Variants in GRID2 observed in about 807,000 individuals in gnomAD.
GRID2 encodes the protein glutamate receptor ionotropic, delta-2.
A neutral mutation model predicts 114.8 loss-of-function variants in GRID2; 33 were observed. That is an observed-to-expected ratio of 0.29 (90% CI 0.22 to 0.38). The LOEUF is 0.38. Ranked by LOEUF, GRID2 falls within the 10% of genes least tolerant of loss-of-function variation. GRID2 has a pLI of 1.00. For synonymous variants in GRID2, 505 were observed against 449.9 expected, an observed-to-expected ratio of 1.12 and a Z score of -1.55; for missense variants, 1,184 against 1,257.7, an observed-to-expected ratio of 0.94 and a Z score of 0.89.
At chr4:93,448,794 CCCTTCCCTTCCCTTCCCTTCCCTT>C (rs1722344021) in intron 10 of GRID2, among the ~76,000 whole-genome samples, 2 of 5,796 alleles carry the variant, frequency 3.5e-4, no homozygotes, top group African/African-American at 1.3e-3. Context: ...CCCTCCCCTT[CCCTTCCCTTCCCTTCCCTTCCCTT>C]CCCTTCCCTT....
intron 2 of GRID2, among the ~76,000 whole-genome samples, chr4:92,640,280 A>G (rs1014826019): frequency 1.4e-4 from 22 of 151,888 alleles, no homozygotes; most frequent in Non-Finnish European, 2.7e-4. Flanking sequence ...TTAATCTTAT[A>G]TAAAAAGCTC....
chr4:93,013,358 A>C (rs959820754), intron 2 of GRID2, among the ~76,000 whole-genome samples: 1 of 152,002 alleles, frequency 6.6e-6, no homozygotes, highest in African/African-American at 2.4e-5. Flanking sequence ...ATATGTTAAT[A>C]CTATGTAAAC....
At chr4:93,343,185 G>C (rs1006550925) in intron 8 of GRID2, among the ~76,000 whole-genome samples, 1 of 146,872 alleles carries the variant, frequency 6.8e-6, no homozygotes, top group Non-Finnish European at 1.5e-5. Flanking sequence ...TGTGTGTATT[G>C]GGTCATATTA....
At chr4:93,270,408 A>G (rs1751320824) in intron 8 of GRID2, among the ~76,000 whole-genome samples, 1 of 152,144 alleles carries the variant, frequency 6.6e-6, no homozygotes, top group Non-Finnish European at 1.5e-5. Flanking sequence ...GTAACTGCTT[A>G]TACTATTCTC....
At chr4:93,171,948 A>G (rs1486417891) in intron 4 of GRID2, among the ~76,000 whole-genome samples, 1 of 152,166 alleles carries the variant, frequency 6.6e-6, no homozygotes, top group African/African-American at 2.4e-5. Flanking sequence ...TCTAAAGCCA[A>G]CTTGTTAATT....
intron 1 of GRID2, among the ~76,000 whole-genome samples, chr4:92,320,972 T>G (rs1726283029): frequency 6.6e-6 from 1 of 152,144 alleles, no homozygotes. Flanking sequence ...AAATATAAAA[T>G]AAAAAGATAA....
intron 8 of GRID2, among the ~76,000 whole-genome samples, chr4:93,341,327 A>ATT (rs5860327): frequency 1.4e-5 from 2 of 146,894 alleles, no homozygotes; most frequent in Non-Finnish European, 3.0e-5. Flanking sequence ...TCCTTCTACT[A>ATT]TTTTTTTTTT....
intron 9 of GRID2, among the ~76,000 whole-genome samples, chr4:93,401,188 TG>T (rs1411941526): frequency 6.6e-6 from 1 of 150,668 alleles, no homozygotes; most frequent in Non-Finnish European, 1.5e-5. Flanking sequence ...GCAGTGCAGT[TG>T]TTCTCCATTA....
At chr4:92,916,521 C>A (rs1183536740) in intron 2 of GRID2, among the ~76,000 whole-genome samples, 2 of 152,048 alleles carry the variant, frequency 1.3e-5, no homozygotes, top group African/African-American at 2.4e-5. Context: ...AGCCCCCACC[C>A]CACAACAGGC....
chr4:93,614,969 C>T (rs183508421), intron 13 of GRID2, among the ~76,000 whole-genome samples: 1 of 152,268 alleles, frequency 6.6e-6, no homozygotes, highest in Admixed American at 6.5e-5. Context: ...TTGGGGCTTC[C>T]TTTTCTTTTA....
chr4:92,677,758 C>T (rs367671946), intron 2 of GRID2, among the ~76,000 whole-genome samples: 25 of 152,088 alleles, frequency 1.6e-4, no homozygotes, highest in African/African-American at 5.8e-4. Context: ...CACTTCTACC[C>T]TGTTCCAAAG....
intron 1 of GRID2, among the ~76,000 whole-genome samples, chr4:93,796,808 C>T (rs555638765): frequency 2.1e-4 from 32 of 152,264 alleles, no homozygotes; most frequent in Admixed American, 4.6e-4. Context: ...CCTTGGCCTC[C>T]CAGAGTGCTG....
chr4:93,262,918 T>C (rs901067582), intron 8 of GRID2, among the ~76,000 whole-genome samples: 24 of 152,092 alleles, frequency 1.6e-4, no homozygotes, highest in African/African-American at 5.3e-4. Context: ...TTTTCCGTTT[T>C]ACTCTTTCAC....
chr4:92,814,041 G>T (rs1427022875), intron 2 of GRID2, among the ~76,000 whole-genome samples: 3 of 152,146 alleles, frequency 2.0e-5, no homozygotes, highest in African/African-American at 7.2e-5. Flanking sequence ...GAAAAAAAAT[G>T]TCCTCTATCC....
intron 10 of GRID2, among the ~76,000 whole-genome samples, chr4:93,440,943 A>T (rs1186981856): frequency 6.6e-6 from 1 of 152,114 alleles, no homozygotes; most frequent in Non-Finnish European, 1.5e-5. Context: ...GAGAGTGAAC[A>T]TTTGCCAAAG....
At chr4:93,084,368 T>A in intron 2 of GRID2, among the ~76,000 whole-genome samples, 1 of 152,190 alleles carries the variant, frequency 6.6e-6, no homozygotes, top group Non-Finnish European at 1.5e-5. Context: ...ATGTAGTATT[T>A]GAAATTATTT....
chr4:93,654,805 T>G (rs1396867333), intron 14 of GRID2, among the ~76,000 whole-genome samples: 2 of 152,122 alleles, frequency 1.3e-5, no homozygotes, highest in Non-Finnish European at 2.9e-5. Context: ...AGTGAGTAAG[T>G]GAGTATCACA....
At chr4:92,571,734 C>G in intron 1 of GRID2, among the ~76,000 whole-genome samples, 1 of 152,004 alleles carries the variant, frequency 6.6e-6, no homozygotes. Flanking sequence ...GAAACTCACT[C>G]AAAACCACTC....
chr4:92,438,186 C>G (rs1732830116), intron 1 of GRID2, among the ~76,000 whole-genome samples: 1 of 152,076 alleles, frequency 6.6e-6, no homozygotes, highest in Non-Finnish European at 1.5e-5. Flanking sequence ...GAATATCTCA[C>G]CTTTTTTTTT....
Sources: allele counts gnomAD v4.1 joint callset (sites outside exome capture counted in the v4.1 genomes callset), GRCh38; gene constraint gnomAD v4.1.1; transcripts MANE v1.5; gene names NCBI Gene and HGNC (gene_info 2026-07-23, HGNC 2026-07-21).